PIK3R4: variants seen among roughly 807,000 people sequenced by gnomAD.
The protein encoded by PIK3R4 is phosphoinositide 3-kinase regulatory subunit 4.
In PIK3R4, 46 loss-of-function variants were observed where a neutral mutation model predicts 136.5. That is an observed-to-expected ratio of 0.34 (90% CI 0.27 to 0.43). The LOEUF (loss-of-function observed/expected upper bound fraction) is 0.43. Among genes scored for constraint, PIK3R4 ranks in the 20% least tolerant of loss-of-function variants. The pLI is 1.00. For synonymous variants in PIK3R4, 557 were observed against 566.7 expected (o/e 0.98, Z 0.24); for missense variants, 1,331 against 1,649.5 (o/e 0.81, Z 3.35).
At chr3:130,680,035 ACT>A (rs2066447169) in intron 19 of PIK3R4, among the ~76,000 whole-genome samples, 1 of 143,220 alleles carries the variant, frequency 7.0e-6, no homozygotes, top group Non-Finnish European at 1.5e-5. Flanking sequence ...AGATCGTGCC[ACT>A]GCACTCCAGC....
chr3:130,699,230 T>C (rs534332954), intron 13 of PIK3R4, among the ~76,000 whole-genome samples: 26 of 152,348 alleles, frequency 1.7e-4, no homozygotes, highest in African/African-American at 5.5e-4. Flanking sequence ...ATGACTGCTA[T>C]GTTAAATAAA....
At chr3:130,719,413 TA>T (rs1349697226) in intron 7 of PIK3R4, among the ~76,000 whole-genome samples, 1 of 152,172 alleles carries the variant, frequency 6.6e-6, no homozygotes, top group Non-Finnish European at 1.5e-5. Flanking sequence ...GAAATAGGAA[TA>T]CAATCATAGG....
In PIK3R4 at chr3:130,679,203, A is replaced by G; in HGVS notation, c.*112T>C. Reference sequence around the variant, plus strand: ...AGTCAGTCAGTCATGAAACAGTAATATGGAGACATAATTTTGAAAATTAAG... The same window carrying G: ...AGTCAGTCAGTCATGAAACAGTAATGTGGAGACATAATTTTGAAAATTAAG... On this transcript the variant is annotated 3_prime_UTR_variant, in exon 20 of 20. Coordinates refer to ENST00000356763, the MANE Select transcript of PIK3R4 (RefSeq NM_014602.3). 3.2e-6 allele frequency: 2 copies of G among 615,972 alleles called. No homozygotes were observed. The highest frequency in any genetic ancestry group is 2.6e-6 in the Non-Finnish European group (1 of 382,150). The allele number at this position is 615,972 out of a possible 1,614,324, so 38.2% of individuals were successfully genotyped here. A position where few individuals can be genotyped will look rare whatever the true frequency, so the allele number is the denominator to read the frequency against.
intron 9 of PIK3R4, among the ~76,000 whole-genome samples, chr3:130,709,273 T>G (rs1419654354): frequency 6.6e-6 from 1 of 152,188 alleles, no homozygotes; most frequent in East Asian, 1.9e-4. Flanking sequence ...AATATTCTGG[T>G]AAATGTGGCA....
At chr3:130,725,708 T>G (rs964888754) in intron 6 of PIK3R4, among the ~76,000 whole-genome samples, 3 of 151,824 alleles carry the variant, frequency 2.0e-5, no homozygotes, top group African/African-American at 7.3e-5. Context: ...ATTTAAAAAA[T>G]TAATGTTCTT....
chr3:130,687,215 T>G (rs1175080884), intron 14 of PIK3R4, among the ~76,000 whole-genome samples: 1 of 152,266 alleles, frequency 6.6e-6, no homozygotes, highest in East Asian at 1.9e-4. Context: ...AAAATACTTT[T>G]GTGCATGAGA....
At chr3:130,745,954 A>C (rs1401511011) in intron 1 of PIK3R4, among the ~76,000 whole-genome samples, 1 of 151,852 alleles carries the variant, frequency 6.6e-6, no homozygotes, top group East Asian at 1.9e-4. Flanking sequence ...CAGGACGCAG[A>C]GGTTGCAGTG....
At chr3:130,717,277 A>C (rs2066670869) in intron 8 of PIK3R4, among the ~76,000 whole-genome samples, 1 of 152,126 alleles carries the variant, frequency 6.6e-6, no homozygotes, top group Admixed American at 6.5e-5. Context: ...TCTTTTGTCT[A>C]ATCCAAATTG....
At chr3:130,704,718 T>C (rs1053376382) in intron 12 of PIK3R4, among the ~76,000 whole-genome samples, 5 of 152,224 alleles carry the variant, frequency 3.3e-5, no homozygotes, top group South Asian at 4.1e-4. Context: ...TATCTCTAAA[T>C]TGCTTTTAAG....
intron 13 of PIK3R4, among the ~76,000 whole-genome samples, chr3:130,691,531 G>A (rs1412907633): frequency 6.6e-6 from 1 of 151,758 alleles, no homozygotes; most frequent in Non-Finnish European, 1.5e-5. Context: ...TCTACACAGG[G>A]GACCTCCATT....
intron 9 of PIK3R4, among the ~76,000 whole-genome samples, chr3:130,715,227 G>A (rs982132606): frequency 1.3e-5 from 2 of 150,362 alleles, no homozygotes; most frequent in African/African-American, 2.4e-5. Context: ...AGGTTCAAGC[G>A]ATTCTCCTGC....
chr3:130,736,144 C>G, intron 2 of PIK3R4, 142 bp from the exon 3 acceptor site: 1 of 559,450 alleles, frequency 1.8e-6, no homozygotes, highest in Non-Finnish European at 3.0e-6. Flanking sequence ...CAACATACAA[C>G]TACAATCAAG....
chr3:130,699,237 T>C (rs2066563355), intron 13 of PIK3R4, among the ~76,000 whole-genome samples: 1 of 152,218 alleles, frequency 6.6e-6, no homozygotes, highest in Non-Finnish European at 1.5e-5. Flanking sequence ...CTATGTTAAA[T>C]AAATGGTGCT....
intron 13 of PIK3R4, among the ~76,000 whole-genome samples, chr3:130,702,672 A>G (rs2107606651): frequency 6.6e-6 from 1 of 152,238 alleles, no homozygotes; most frequent in East Asian, 1.9e-4. Flanking sequence ...TGGTAGAACC[A>G]ATACAGAGAA....
chr3:130,734,140 G>A lies in PIK3R4; in HGVS notation c.868-10C>T. 1.3e-6 allele frequency: 2 copies of A among 1,570,230 alleles called. No homozygotes were observed. Among genetic ancestry groups the A allele is most frequent in the Non-Finnish European group, 1.7e-6 (2 of 1,157,814 alleles). ...GAATCATCTGAGTTACCTATACCAAGGGAAGAAAAGGAATTAAAATAGATT... is the reference window on the plus strand; with the variant it reads ...GAATCATCTGAGTTACCTATACCAAAGGAAGAAAAGGAATTAAAATAGATT... On this transcript the variant is annotated splice_polypyrimidine_tract_variant and intron_variant, in intron 3 of 19. Transcript: ENST00000356763.
chr3:130,720,001 G>A (rs1245539230), intron 7 of PIK3R4, among the ~76,000 whole-genome samples: 1 of 152,130 alleles, frequency 6.6e-6, no homozygotes, highest in Non-Finnish European at 1.5e-5. Flanking sequence ...TGCAGAACCT[G>A]AAGCAGGGCC....
intron 17 of PIK3R4, 114 bp from the exon 18 acceptor site, chr3:130,681,179 TG>T: frequency 1.4e-6 from 1 of 725,274 alleles, no homozygotes; most frequent in Non-Finnish European, 2.5e-6. Context: ...CCTGGTTAAC[TG>T]AAGAAATGAG....
intron 2 of PIK3R4, among the ~76,000 whole-genome samples, chr3:130,740,580 A>T (rs1163920348): frequency 6.6e-6 from 1 of 152,056 alleles, no homozygotes; most frequent in South Asian, 2.1e-4. Context: ...TCTACTAAAA[A>T]TACAAAAAAA....
chr3:130,705,695 T>A lies in PIK3R4; in HGVS notation c.2798A>T (p.Tyr933Phe), dbSNP rs1473663632. The A allele has an allele frequency of 3.1e-6, 5 of 1,611,874 alleles. No individual in the cohort carries two copies. Among genetic ancestry groups the A allele is most frequent in the Non-Finnish European group, 4.2e-6 (5 of 1,178,080 alleles). ...VLSSTILPST[Y>F]QIRITTCKTE... ...TTTACAAGTTGTAATTCGAATCTGATAGGTGGATGGTAAGATTGTACTACT... is the reference window on the plus strand; with the variant it reads ...TTTACAAGTTGTAATTCGAATCTGAAAGGTGGATGGTAAGATTGTACTACT... Residue 933 changes from tyrosine (Y) to phenylalanine (F), a missense_variant, in exon 12 of 20, where the codon TAT becomes TTT. This residue lies in a region of PIK3R4 where 1,180 missense variants were observed against 1,407.0 expected (regional missense o/e 0.84). Transcript: ENST00000356763.
Sources: allele counts gnomAD v4.1 joint callset (sites outside exome capture counted in the v4.1 genomes callset), GRCh38; gene constraint gnomAD v4.1.1; regional missense constraint gnomAD v4.1.1; transcripts MANE v1.5; gene names NCBI Gene and HGNC (gene_info 2026-07-23, HGNC 2026-07-21).